Variants in COL4A4 observed in about 807,000 individuals in gnomAD.
The protein encoded by COL4A4 is collagen type IV alpha 4 chain, also known as collagen alpha-4(IV) chain.
COL4A4 carries 105 observed loss-of-function variants against 192.9 expected under a neutral mutation model. The observed-to-expected ratio is 0.54, with a 90% CI of 0.46 to 0.64. COL4A4 has a LOEUF of 0.64. Among genes scored for constraint, COL4A4 ranks in the 30% least tolerant of loss-of-function variants. The pLI is 0.00. For missense variants in COL4A4, 1,967 were observed against 2,169.3 expected, an observed-to-expected ratio of 0.91 and a Z score of 1.85; for synonymous variants, 762 against 769.9, an observed-to-expected ratio of 0.99 and a Z score of 0.17.
intron 28 of COL4A4, among the ~76,000 whole-genome samples, chr2:227,058,338 G>A (rs142183574): frequency 6.6e-6 from 1 of 152,152 alleles, no homozygotes; most frequent in East Asian, 1.9e-4. Context: ...TACTACAAGG[G>A]CATTTTCATA....
chr2:227,007,109 AGGCTCCCTAGATT>A lies in COL4A4; in HGVS notation c.*203_*215del. The A allele has an allele frequency of 1.5e-6, 1 of 670,026 alleles. No individual in the cohort carries two copies. Among genetic ancestry groups the A allele is most frequent in the East Asian group, 2.6e-5 (1 of 38,724 alleles). The allele number at this position is 670,026 out of a possible 1,614,324, so 41.5% of individuals were successfully genotyped here. A position where few individuals can be genotyped will look rare whatever the true frequency, so the allele number is the denominator to read the frequency against. ...CATCCTCAGTAAAATAAGAGTATCT[AGGCTCCCTAGATT>A]GGGAGGTCCAAACAAATCCATCTGT... On this transcript the variant is annotated 3_prime_UTR_variant, in exon 48 of 48. Coordinates refer to ENST00000396625, the MANE Select transcript of COL4A4 (RefSeq NM_000092.5).
At chr2:226,998,829 C>G (rs975845626), downstream of COL4A4, 1 of 152,190 alleles carries the variant, frequency 6.6e-6, no homozygotes, top group Non-Finnish European at 1.5e-5. Context: ...TGGGCTTCAA[C>G]CAGCCTTTGG....
At chr2:227,043,213 T>C in intron 35 of COL4A4, 29 bp from the exon 36 acceptor site, 4 of 1,570,698 alleles carry the variant, frequency 2.5e-6, no homozygotes, top group South Asian at 1.1e-5. Flanking sequence ...AACATCAGAG[T>C]TGCCGTTTGA....
At chr2:226,995,230 T>C in the COL4A4 span, among the ~76,000 whole-genome samples, 2 of 152,244 alleles carry the variant, frequency 1.3e-5, no homozygotes, top group Non-Finnish European at 2.9e-5. Flanking sequence ...ATCAGATTCA[T>C]GGCTGAACCA....
chr2:227,044,533 A>T (rs1267745326), intron 35 of COL4A4, among the ~76,000 whole-genome samples: 1 of 152,130 alleles, frequency 6.6e-6, no homozygotes, highest in African/African-American at 2.4e-5. Flanking sequence ...TATTAGTCTC[A>T]CTATGTATTA....
At chr2:227,082,826 T>G (rs1176212430) in intron 22 of COL4A4, among the ~76,000 whole-genome samples, 2 of 152,196 alleles carry the variant, frequency 1.3e-5, no homozygotes, top group Non-Finnish European at 2.9e-5. Flanking sequence ...AATAGCTAAT[T>G]TTGGCTGACA....
intron 3 of COL4A4, among the ~76,000 whole-genome samples, chr2:227,141,368 TAATA>T (rs2063197781): frequency 6.6e-6 from 1 of 152,190 alleles, no homozygotes; most frequent in African/African-American, 2.4e-5. Context: ...ACAATAAAAC[TAATA>T]TTTATAGTCC....
chr2:227,023,279 TAAAAAA>T (rs797020507), intron 43 of COL4A4, among the ~76,000 whole-genome samples: 1 of 137,278 alleles, frequency 7.3e-6, no homozygotes, highest in Non-Finnish European at 1.6e-5. Flanking sequence ...CATCTCTACT[TAAAAAA>T]AAAAAAAAAT....
At chr2:227,038,943 A>G (rs1216612117) in intron 37 of COL4A4, among the ~76,000 whole-genome samples, 2 of 152,188 alleles carry the variant, frequency 1.3e-5, no homozygotes, top group African/African-American at 4.8e-5. Flanking sequence ...GTTTTTAAAG[A>G]CCAGTTGTTC....
intron 30 of COL4A4, among the ~76,000 whole-genome samples, chr2:227,055,571 A>C (rs1975128467): frequency 6.6e-6 from 1 of 152,138 alleles, no homozygotes; most frequent in African/African-American, 2.4e-5. Flanking sequence ...TCAGTTTCCT[A>C]CCTACAGACC....
At chr2:227,044,617 T>TA (rs113514608) in intron 35 of COL4A4, among the ~76,000 whole-genome samples, 72,965 of 150,790 alleles carry the variant, frequency 0.48, 17,601 homozygotes, top group South Asian at 0.62. Flanking sequence ...ACTGAAATAT[T>TA]AAAAATAAAA....
At chr2:227,132,704 A>T (rs1402769827) in intron 4 of COL4A4, among the ~76,000 whole-genome samples, 1 of 152,126 alleles carries the variant, frequency 6.6e-6, no homozygotes, top group Admixed American at 6.5e-5. Context: ...TGAACACAGG[A>T]GGTGGAAGTT....
At chr2:226,973,646 A>T in the COL4A4 span, among the ~76,000 whole-genome samples, 5 of 152,202 alleles carry the variant, frequency 3.3e-5, no homozygotes, top group Non-Finnish European at 5.9e-5. Context: ...CCAGAGACAA[A>T]GGTAAGTTAG....
rs1224285563 is a variant in COL4A4 at position 227,005,708 on chromosome 2, T to A, written c.*1617A>T. On this transcript the variant is annotated 3_prime_UTR_variant, in exon 48 of 48. Coordinates refer to ENST00000396625, the MANE Select transcript of COL4A4 (RefSeq NM_000092.5). ...AAGGTTTGGCAAGGAAAACATTTCT[T>A]ATAAACAAAATTTTAATTGAGTTTT... The A allele has an allele frequency of 6.6e-6, 1 of 152,226 alleles. No individual in the cohort carries two copies. Among genetic ancestry groups the A allele is most frequent in the African/African-American group, 2.4e-5 (1 of 41,460 alleles). 9.4% of individuals were successfully genotyped at this position (152,226 alleles called of 1,614,324 possible).
chr2:227,044,769 A>T (rs957160333), intron 35 of COL4A4, among the ~76,000 whole-genome samples: 1 of 152,222 alleles, frequency 6.6e-6, no homozygotes, highest in African/African-American at 2.4e-5. Context: ...CCAGCTGCAG[A>T]TTCATGCCTT....
intron 34 of COL4A4, among the ~76,000 whole-genome samples, chr2:227,048,784 A>G (rs1973444929): frequency 6.6e-6 from 1 of 152,192 alleles, no homozygotes; most frequent in South Asian, 2.1e-4. Flanking sequence ...AGACTAATAA[A>G]TGTATAGGTA....
chr2:227,052,344 G>T lies in COL4A4; in HGVS notation c.2929C>A (p.Pro977Thr). The T allele has an allele frequency of 1.2e-6, 2 of 1,613,188 alleles. No homozygotes were observed. Among genetic ancestry groups the T allele is most frequent in the Non-Finnish European group, 1.7e-6 (2 of 1,179,178 alleles). ...IISQKGTPGE[P>T]GPPGDDGFPG... ...AATCCATCATCTCCAGGAGGTCCAG[G>T]TTCCCCAGGTGTTCCCTTTTGTGAA... Residue 977 changes from proline to threonine, a missense_variant, in exon 32 of 48, where the codon CCT becomes ACT. Transcript: ENST00000396625.
At chr2:227,047,828 G>GA (rs201426129) in intron 34 of COL4A4, among the ~76,000 whole-genome samples, 1,729 of 151,478 alleles carry the variant, frequency 0.011, 32 homozygotes, top group African/African-American at 0.04. Flanking sequence ...TTTAAGTCCT[G>GA]AAAAAATTTT....
At chr2:227,058,282 G>C (rs1025802755) in intron 28 of COL4A4, among the ~76,000 whole-genome samples, 1 of 152,150 alleles carries the variant, frequency 6.6e-6, no homozygotes, top group African/African-American at 2.4e-5. Flanking sequence ...ATGTGTGTGT[G>C]TGTGTCTGTC....
Sources: allele counts gnomAD v4.1 joint callset (sites outside exome capture counted in the v4.1 genomes callset), GRCh38; gene constraint gnomAD v4.1.1; transcripts MANE v1.5; gene names NCBI Gene and HGNC (gene_info 2026-07-23, HGNC 2026-07-21).